RBFOX1: variants seen among roughly 807,000 people sequenced by gnomAD.
RBFOX1 encodes the protein RNA binding protein fox-1 homolog 1.
In RBFOX1, 8 loss-of-function variants were observed where a neutral mutation model predicts 57.7. The ratio of observed to expected loss-of-function variants is 0.14; its 90% CI spans 0.08 to 0.25. RBFOX1 has a LOEUF of 0.25. Ranked by LOEUF, RBFOX1 falls within the 10% of genes least tolerant of loss-of-function variation. RBFOX1 has a pLI of 1.00. For synonymous variants in RBFOX1, 326 were observed against 222.4 expected (o/e 1.47, Z -4.15); for missense variants, 611 against 548.5 (o/e 1.11, Z -1.14).
intron 3 of RBFOX1, among the ~76,000 whole-genome samples, chr16:5,681,957 A>T (rs1027886929): frequency 2.6e-5 from 4 of 152,098 alleles, no homozygotes; most frequent in African/African-American, 9.7e-5. Flanking sequence ...TTTTTCTTGG[A>T]GTATTGGGAT....
chr16:6,344,398 C>CTTTT (rs1176288797), intron 2 of RBFOX1, among the ~76,000 whole-genome samples: 1,451 of 71,380 alleles, frequency 0.02, 42 homozygotes, highest in African/African-American at 0.15. Context: ...CTTCTTTTTT[C>CTTTT]TTTTTTTTCT....
intron 1 of RBFOX1, among the ~76,000 whole-genome samples, chr16:5,391,788 T>C (rs1712500): frequency 0.44 from 66,247 of 150,944 alleles, 15,057 homozygotes; most frequent in African/African-American, 0.54. Flanking sequence ...GCCCATCAAT[T>C]AATGAGTGGA....
chr16:7,240,158 G>A (rs1352830943), intron 4 of RBFOX1, among the ~76,000 whole-genome samples: 1 of 151,986 alleles, frequency 6.6e-6, no homozygotes, highest in Non-Finnish European at 1.5e-5. Flanking sequence ...GTAGCGAAAG[G>A]GTTTCACCAT....
intron 4 of RBFOX1, among the ~76,000 whole-genome samples, chr16:5,934,779 G>C (rs181592730): frequency 6.6e-6 from 1 of 152,268 alleles, no homozygotes; most frequent in South Asian, 2.1e-4. Context: ...ACAGACCAAG[G>C]CTGCACGATG....
At chr16:7,337,140 G>C (rs914966769) in intron 4 of RBFOX1, among the ~76,000 whole-genome samples, 2 of 152,242 alleles carry the variant, frequency 1.3e-5, no homozygotes, top group South Asian at 4.1e-4. Context: ...CCTACACTTA[G>C]ACAAAGCTAG....
At chr16:6,832,214 A>G (rs1483214114) in intron 3 of RBFOX1, among the ~76,000 whole-genome samples, 1 of 152,226 alleles carries the variant, frequency 6.6e-6, no homozygotes, top group Non-Finnish European at 1.5e-5. Context: ...GCCCAAGTGA[A>G]TAAATAAGCA....
At chr16:7,623,750 T>C (rs2059663107) in intron 10 of RBFOX1, among the ~76,000 whole-genome samples, 1 of 152,156 alleles carries the variant, frequency 6.6e-6, no homozygotes, top group African/African-American at 2.4e-5. Context: ...TCTGAGATCA[T>C]GGTGTTGGCA....
At chr16:5,712,400 G>A (rs2051523409) in intron 3 of RBFOX1, among the ~76,000 whole-genome samples, 1 of 152,204 alleles carries the variant, frequency 6.6e-6, no homozygotes, top group South Asian at 2.1e-4. Context: ...CAGCTGGTTG[G>A]CATTACAGGC....
Position 6,471,219 on chromosome 16 carries a change from G to C in RBFOX1, c.-64+154162G>C, listed in dbSNP as rs1270569887. ...TATGGTTTGAATGCCTTTCTCCCCT[G>C]ACTATCGAACAACCTGCTATGCATC... On this transcript the variant is annotated intron_variant, in intron 2 of 15. Transcript: ENST00000550418. 3.3e-5 allele frequency among the ~76,000 whole-genome samples: 5 copies of C among 152,022 alleles called. No homozygotes were observed. In the South Asian group the frequency reaches 1.0e-3, roughly 32 times the overall value.
At chr16:7,322,551 G>T (rs1462887849) in intron 4 of RBFOX1, among the ~76,000 whole-genome samples, 1 of 152,204 alleles carries the variant, frequency 6.6e-6, no homozygotes, top group African/African-American at 2.4e-5. Flanking sequence ...CTCCTCTGGA[G>T]TCCTTTGGTG....
At chr16:6,561,021 C>G (rs1172874656) in intron 2 of RBFOX1, among the ~76,000 whole-genome samples, 1 of 152,166 alleles carries the variant, frequency 6.6e-6, no homozygotes, top group Non-Finnish European at 1.5e-5. Flanking sequence ...TCAAACGCAC[C>G]CTCCAACCAC....
At chr16:7,660,408 G>GTTAA (rs2067425338) in intron 12 of RBFOX1, among the ~76,000 whole-genome samples, 1 of 152,040 alleles carries the variant, frequency 6.6e-6, no homozygotes, top group East Asian at 1.9e-4. Context: ...CTGTTCCGTG[G>GTTAA]TTAATTTATC....
At chr16:5,995,699 A>G (rs570548236) in intron 4 of RBFOX1, among the ~76,000 whole-genome samples, 1 of 152,270 alleles carries the variant, frequency 6.6e-6, no homozygotes, top group African/African-American at 2.4e-5. Context: ...TTGGTGGAAA[A>G]TCTTTGATAT....
chr16:6,262,050 A>G (rs532159427), intron 1 of RBFOX1, among the ~76,000 whole-genome samples: 1 of 152,156 alleles, frequency 6.6e-6, no homozygotes, highest in South Asian at 2.1e-4. Context: ...AAAAAAAGAA[A>G]GAAAGATGGA....
At chr16:6,970,203 A>G (rs1037422935) in intron 3 of RBFOX1, among the ~76,000 whole-genome samples, 2 of 152,074 alleles carry the variant, frequency 1.3e-5, no homozygotes, top group African/African-American at 4.8e-5. Flanking sequence ...GAAAGAAACA[A>G]AAAACCCCAA....
rs2095966326 is a variant in RBFOX1 at position 6,079,534 on chromosome 16, G to T, written c.-127+59542G>T. Among the ~76,000 whole-genome samples, 3 of 152,084 alleles carry T rather than the reference G, an allele frequency of 2.0e-5. No homozygotes were observed. The South Asian group carries it at 6.3e-4, about 32-fold the overall frequency. ...AGATGAGGTCTTGCTGTGTTGTCCA[G>T]GCTGGTCTCAAACTCCTGGGCTCAA... On this transcript the variant is annotated intron_variant, in intron 1 of 15. Coordinates refer to ENST00000550418, the MANE Select transcript of RBFOX1 (RefSeq NM_018723.4).
Position 5,486,811 on chromosome 16 carries a change from A to T in RBFOX1, c.258+19557A>T, listed in dbSNP as rs76224795. ...AGTGTTTTTTTTTTTCTTTTAACTT[A>T]AATTTTTCTTTAATACCTTGCTGGA... On this transcript the variant is annotated intron_variant, in intron 2 of 2. Coordinates refer to the RBFOX1 transcript ENST00000585867. Among the ~76,000 whole-genome samples, 18 of 151,704 alleles carry T rather than the reference A, an allele frequency of 1.2e-4. No individual in the cohort carries two copies. In the East Asian group the frequency reaches 3.5e-3, roughly 29 times the overall value.
chr16:6,010,116 C>T (rs979818909), intron 4 of RBFOX1, among the ~76,000 whole-genome samples: 3 of 152,094 alleles, frequency 2.0e-5, no homozygotes, highest in Non-Finnish European at 4.4e-5. Flanking sequence ...ACTGAGGGTG[C>T]TGTGTTGCCC....
intron 2 of RBFOX1, among the ~76,000 whole-genome samples, chr16:5,573,687 C>T (rs999799972): frequency 9.9e-5 from 15 of 152,276 alleles, no homozygotes; most frequent in South Asian, 6.2e-4. Flanking sequence ...ACCGGCTGGA[C>T]GCAGTGGCTC....
Sources: gnomAD v4.1 joint callset for allele counts (sites outside exome capture counted in the v4.1 genomes callset) on GRCh38, gnomAD v4.1.1 for gene constraint, MANE v1.5 for transcripts, NCBI Gene and HGNC (gene_info 2026-07-23, HGNC 2026-07-21) for gene names.